PAX1: variants seen among roughly 807,000 people sequenced by gnomAD.
PAX1 encodes the protein paired box 1, also known as paired box protein Pax-1.
In PAX1, 18 loss-of-function variants were observed where a neutral mutation model predicts 35.6. The observed-to-expected ratio is 0.50, with a 90% confidence interval of 0.35 to 0.75. The LOEUF (loss-of-function observed/expected upper bound fraction) is 0.75, where lower values mean the gene tolerates loss of function less well. Ranked by LOEUF, PAX1 falls within the 30% of genes least tolerant of loss-of-function variation. PAX1 has a pLI of 0.01. For synonymous variants in PAX1, 397 were observed against 305.2 expected, an observed-to-expected ratio of 1.30 and a Z score of -3.14; for missense variants, 760 against 661.5, an observed-to-expected ratio of 1.15 and a Z score of -1.63.
rs768052508 is a variant in PAX1 at position 21,706,301 on chromosome 20, T to C, written c.287-137T>C. 3 of 1,211,138 alleles carry C rather than the reference T, an allele frequency of 2.5e-6. No homozygotes were observed. The highest frequency in any genetic ancestry group is 3.6e-6 in the Non-Finnish European group (3 of 834,630). The allele number at this position is 1,211,138 out of a possible 1,614,324, so 75.0% of individuals were successfully genotyped here. A position where few individuals can be genotyped will look rare whatever the true frequency, so the allele number is the denominator to read the frequency against. On this transcript the variant is annotated intron_variant, in intron 1 of 4. Transcript: ENST00000613128. The surrounding 1 kb of genome is among the most constrained non-coding windows in gnomAD (Gnocchi z 5.3). ...AGACCCAGGCGGTTTGCCCTTGGAC[T>C]CCGAGCTGTCTGGGGACCCACAGGT... is the stretch of plus-strand genomic sequence containing the variant.
At position 21,706,402 on chromosome 20, in the gene PAX1, C is replaced by A. The variant is rs751585485; in HGVS notation, c.287-36C>A. ...TTGGCTAACCCGCCGGGTGTTTTCT[C>A]CCCCTCCGGCTCACTCTTGTCTGGC... On this transcript the variant is annotated intron_variant, in intron 1 of 4. Transcript: ENST00000613128. The surrounding 1 kb of genome is among the most constrained non-coding windows in gnomAD (Gnocchi z 5.3). The A allele has an allele frequency of 1.9e-6, 3 of 1,608,748 alleles. No individual in the cohort carries two copies. Among genetic ancestry groups the A allele is most frequent in the African/African-American group, 2.7e-5 (2 of 74,940 alleles).
rs1278886912 is a variant in PAX1, at chr20:21,705,763, G to C, written c.51G>C (p.Glu17Asp). Reference protein sequence around the residue: ...LGSRAWRVSWEGAAAAAAGPG... With the variant: ...LGSRAWRVSWDGAAAAAAGPG... Reference sequence around the variant, plus strand: ...CGCGGGCGTGGAGAGTGTCCTGGGAGGGGGCAGCAGCGGCGGCGGCAGGCC... The same window carrying C: ...CGCGGGCGTGGAGAGTGTCCTGGGACGGGGCAGCAGCGGCGGCGGCAGGCC... Residue 17 changes from glutamate to aspartate, a missense_variant, in exon 1 of 5, where the codon GAG (glutamate) becomes GAC (aspartate). Coordinates refer to ENST00000613128, the MANE Select transcript of PAX1 (RefSeq NM_001257096.2). 1 of 1,262,288 alleles carries C rather than the reference G, an allele frequency of 7.9e-7. No homozygotes were observed. Among genetic ancestry groups the C allele is most frequent in the Non-Finnish European group, 1.0e-6 (1 of 1,002,562 alleles). 78.2% of individuals were successfully genotyped at this position (1,262,288 alleles called of 1,614,324 possible). A position where few individuals can be genotyped will look rare whatever the true frequency, so the allele number is the denominator to read the frequency against.
chr20:21,713,382 TTGTGTGTGTG>T (rs1026316842), intron 4 of PAX1, among the ~76,000 whole-genome samples: 3 of 146,270 alleles, frequency 2.1e-5, no homozygotes, highest in Non-Finnish European at 4.5e-5. Context: ...TCTTTTTTTT[TTGTGTGTGTG>T]TGTGTGTGTG....
chr20:21,710,992 T>C (rs1448395537), intron 4 of PAX1, among the ~76,000 whole-genome samples: 1 of 152,252 alleles, frequency 6.6e-6, no homozygotes, highest in Non-Finnish European at 1.5e-5. Context: ...TTAAGCTTTA[T>C]GTTTAAGGAT....
intron 4 of PAX1, among the ~76,000 whole-genome samples, chr20:21,713,790 C>T (rs984430031): frequency 6.6e-6 from 1 of 152,252 alleles, no homozygotes; most frequent in Non-Finnish European, 1.5e-5. Flanking sequence ...TCACTTAATC[C>T]GGAGGCCCAC....
Position 21,714,688 on chromosome 20 carries a change from C to T in PAX1, c.*126C>T. 2 of 1,605,762 alleles carry T rather than the reference C, an allele frequency of 1.2e-6. No homozygotes were observed. The highest frequency in any genetic ancestry group is 8.5e-7 in the Non-Finnish European group (1 of 1,179,172). On this transcript the variant is annotated 3_prime_UTR_variant, in exon 5 of 5. Coordinates refer to ENST00000613128, the MANE Select transcript of PAX1 (RefSeq NM_001257096.2). ...GGACTCGCGGAGGAGGAAGCCAGTGCCGGCCCGCGGGGTGCACGCCCAGCC... is the reference window on the plus strand; with the variant it reads ...GGACTCGCGGAGGAGGAAGCCAGTGTCGGCCCGCGGGGTGCACGCCCAGCC...
At position 21,706,014 on chromosome 20, in the gene PAX1, C is replaced by T; in HGVS notation, c.286+16C>T. Reference sequence around the variant, plus strand: ...CTCGCTATGGGTAAGGGGCGGGCGACAGGCAGGGCTCGGGAGGGCTGATGA... The same window carrying T: ...CTCGCTATGGGTAAGGGGCGGGCGATAGGCAGGGCTCGGGAGGGCTGATGA... On this transcript the variant is annotated intron_variant, in intron 1 of 4. Coordinates refer to ENST00000613128, the MANE Select transcript of PAX1 (RefSeq NM_001257096.2). This position sits in a 1 kb window ranked among gnomAD's most constrained non-coding sequence, Gnocchi z 5.3. The T allele has an allele frequency of 6.8e-7, 1 of 1,463,414 alleles. No homozygotes were observed. 90.7% of individuals were successfully genotyped at this position (1,463,414 alleles called of 1,614,324 possible).
In PAX1 at chr20:21,706,014, C is replaced by A; in HGVS notation, c.286+16C>A. 6.8e-7 allele frequency: 1 copy of A among 1,463,414 alleles called. No individual in the cohort carries two copies. The highest frequency in any genetic ancestry group is 1.4e-5 in the South Asian group (1 of 71,350). 90.7% of individuals were successfully genotyped at this position (1,463,414 alleles called of 1,614,324 possible). A position where few individuals can be genotyped will look rare whatever the true frequency, so the allele number is the denominator to read the frequency against. Reference sequence around the variant, plus strand: ...CTCGCTATGGGTAAGGGGCGGGCGACAGGCAGGGCTCGGGAGGGCTGATGA... The same window carrying A: ...CTCGCTATGGGTAAGGGGCGGGCGAAAGGCAGGGCTCGGGAGGGCTGATGA... On this transcript the variant is annotated intron_variant, in intron 1 of 4. Coordinates refer to ENST00000613128, the MANE Select transcript of PAX1 (RefSeq NM_001257096.2). The surrounding 1 kb of genome is among the most constrained non-coding windows in gnomAD (Gnocchi z 5.3).
At chr20:21,713,701 G>A (rs1985271290) in intron 4 of PAX1, among the ~76,000 whole-genome samples, 1 of 152,180 alleles carries the variant, frequency 6.6e-6, no homozygotes, top group African/African-American at 2.4e-5. Context: ...GGCTTCCGGT[G>A]GCAAAACTTG....
In PAX1 at chr20:21,706,324, G is replaced by A; in HGVS notation, c.287-114G>A. ...ACTCCGAGCTGTCTGGGGACCCACA[G>A]GTCACCTTTGGAAGTGCGCCTGGGT... On this transcript the variant is annotated intron_variant, in intron 1 of 4. Coordinates refer to ENST00000613128, the MANE Select transcript of PAX1 (RefSeq NM_001257096.2). The surrounding 1 kb of genome is among the most constrained non-coding windows in gnomAD (Gnocchi z 5.3). 2 of 1,405,620 alleles carry A rather than the reference G, an allele frequency of 1.4e-6. No individual in the cohort carries two copies. Among genetic ancestry groups the A allele is most frequent in the African/African-American group, 1.4e-5 (1 of 71,096 alleles). The allele number at this position is 1,405,620 out of a possible 1,614,324, so 87.1% of individuals were successfully genotyped here.
rs540770070 is a variant in PAX1 at position 21,710,215 on chromosome 20, G to T, written c.1282+771G>T. ...TGAAAAGTCGAGGAACAGATTTTAG[G>T]TATTTCACTGACAGTCAGCAGTGTG... On this transcript the variant is annotated intron_variant, in intron 4 of 4. Coordinates refer to ENST00000613128, the MANE Select transcript of PAX1 (RefSeq NM_001257096.2). Among the ~76,000 whole-genome samples the T allele has an allele frequency of 3.9e-5, 6 of 152,178 alleles. No individual in the cohort carries two copies. The South Asian group carries it at 1.2e-3, about 32-fold the overall frequency.
rs1358364202 is a variant in PAX1 at position 21,717,554 on chromosome 20, T to C, written c.*2992T>C. The C allele has an allele frequency of 1.3e-5, 2 of 152,208 alleles. No individual in the cohort carries two copies. The highest frequency in any genetic ancestry group is 4.8e-5 in the African/African-American group (2 of 41,452). 9.4% of individuals were successfully genotyped at this position (152,208 alleles called of 1,614,324 possible). A position where few individuals can be genotyped will look rare whatever the true frequency, so the allele number is the denominator to read the frequency against. ...AAAAGATCCCATTGGAATATTGCAC[T>C]TTTGCTCTTTGTTCGTATGGATCTG... On this transcript the variant is annotated 3_prime_UTR_variant, in exon 5 of 5. Coordinates refer to ENST00000613128, the MANE Select transcript of PAX1 (RefSeq NM_001257096.2).
rs1022480481 is a variant in PAX1, at chr20:21,705,982, C to T, written c.270C>T (p.Ala90=). 14 of 1,483,874 alleles carry T rather than the reference C, an allele frequency of 9.4e-6. No homozygotes were observed. In the Admixed American group the frequency reaches 1.2e-4, roughly 12 times the overall value. The allele number at this position is 1,483,874 out of a possible 1,614,324, so 91.9% of individuals were successfully genotyped here. A position where few individuals can be genotyped will look rare whatever the true frequency, so the allele number is the denominator to read the frequency against. The change falls in exon 1 of 5, where the codon GCC becomes GCT. Residue 90 remains alanine (A), a synonymous_variant. Transcript: ENST00000613128. The part of the protein sequence containing the change: ...HPGHPGARQL[A]GPLAMEQTYG... ...GCCACCCCGGCGCCAGGCAGCTGGC[C>T]GGCCCGCTCGCTATGGGTAAGGGGC...
rs745903003 is a variant in PAX1, at chr20:21,706,881, C to T, written c.730C>T (p.Pro244Ser). The T allele has an allele frequency of 1.2e-6, 2 of 1,613,484 alleles. No homozygotes were observed. The highest frequency in any genetic ancestry group is 4.5e-5 in the East Asian group (2 of 44,862). Residue 244 changes from proline to serine, a missense_variant, in exon 2 of 5, where the codon CCT (proline) becomes TCT (serine). Physicochemically the swap from Pro to Ser is moderately conservative, Grantham distance 74. This residue lies in a region of PAX1 where 490 missense variants were observed against 428.4 expected (regional missense o/e 1.14). Coordinates refer to ENST00000613128, the MANE Select transcript of PAX1 (RefSeq NM_001257096.2). This position sits in a 1 kb window ranked among gnomAD's most constrained non-coding sequence, Gnocchi z 5.3. ...GGCAAGTAAGCAGCCGCCGTCGCAG[C>T]CTACGCTGCCCTACAACCACATCTA... Reference protein sequence around the residue: ...YEASKQPPSQPTLPYNHIYQY... With the variant: ...YEASKQPPSQSTLPYNHIYQY...
rs750395868 is a variant in PAX1, at chr20:21,714,755, C to T, written c.*193C>T. The T allele has an allele frequency of 6.2e-7, 1 of 1,602,402 alleles. No homozygotes were observed. The highest frequency in any genetic ancestry group is 1.3e-5 in the African/African-American group (1 of 74,932). On this transcript the variant is annotated 3_prime_UTR_variant, in exon 5 of 5. Coordinates refer to ENST00000613128, the MANE Select transcript of PAX1 (RefSeq NM_001257096.2). ...CCTGCCTCTGGCCGGACCCACCACA[C>T]TTCCTTTATTGGTCTGGGTTTTTAG... is the stretch of plus-strand genomic sequence containing the variant.
In PAX1 at chr20:21,708,650, G is replaced by T. The variant is rs1233055931; in HGVS notation, c.1009G>T (p.Val337Leu). 5.0e-6 allele frequency: 8 copies of T among 1,613,542 alleles called. No individual in the cohort carries two copies. The highest frequency in any genetic ancestry group is 1.3e-5 in the African/African-American group (1 of 74,946). Residue 337 changes from valine to leucine, a missense_variant, in exon 3 of 5, where the codon GTG (valine) becomes TTG (leucine). Transcript: ENST00000613128. ...NRTAFPATPAVNGLEKPALEA... is the reference protein window; with the variant it reads ...NRTAFPATPALNGLEKPALEA... ...CACGGCCTTCCCCGCCACCCCCGCAGTGAATGGGCTAGAGAAACCTGCCTT... is the reference window on the plus strand; with the variant it reads ...CACGGCCTTCCCCGCCACCCCCGCATTGAATGGGCTAGAGAAACCTGCCTT...
At position 21,706,900 on chromosome 20, in the gene PAX1, A is replaced by G. The variant is rs1985027093; in HGVS notation, c.749A>G (p.His250Arg). 6.2e-7 allele frequency: 1 copy of G among 1,613,204 alleles called. No homozygotes were observed. Among genetic ancestry groups the G allele is most frequent in the African/African-American group, 1.3e-5 (1 of 74,916 alleles). Residue 250 changes from histidine to arginine, a missense_variant, in exon 2 of 5, where the codon CAC (histidine) becomes CGC (arginine). Transcript: ENST00000613128. The surrounding 1 kb of genome is among the most constrained non-coding windows in gnomAD (Gnocchi z 5.3). ...TCGCAGCCTACGCTGCCCTACAACC[A>G]CATCTACCAGTACCCCTACCCCAGT... ...PPSQPTLPYN[H>R]IYQYPYPSPV...
rs974162263 is a variant in PAX1 at position 21,706,026 on chromosome 20, G to C, written c.286+28G>C. ...AAGGGGCGGGCGACAGGCAGGGCTC[G>C]GGAGGGCTGATGAGGTGGGTCGGGT... On this transcript the variant is annotated intron_variant, in intron 1 of 4. Transcript: ENST00000613128. This position sits in a 1 kb window ranked among gnomAD's most constrained non-coding sequence, Gnocchi z 5.3. 12 of 1,455,202 alleles carry C rather than the reference G, an allele frequency of 8.2e-6. No individual in the cohort carries two copies. The highest frequency in any genetic ancestry group is 2.9e-5 in the African/African-American group (2 of 70,146). 90.1% of individuals were successfully genotyped at this position (1,455,202 alleles called of 1,614,324 possible).
In PAX1 at chr20:21,707,191, C is replaced by G. The variant is rs1019117473; in HGVS notation, c.916+124C>G. On this transcript the variant is annotated intron_variant, in intron 2 of 4. Coordinates refer to ENST00000613128, the MANE Select transcript of PAX1 (RefSeq NM_001257096.2). Reference sequence around the variant, plus strand: ...GGTTCTGGCTCAGGGGAGGGCTCCACACTGGCCAGGGAGGCTGGGGGTCCT... The same window carrying G: ...GGTTCTGGCTCAGGGGAGGGCTCCAGACTGGCCAGGGAGGCTGGGGGTCCT... 2.4e-5 allele frequency: 30 copies of G among 1,226,768 alleles called. No homozygotes were observed. The South Asian group carries it at 3.2e-4, about 13-fold the overall frequency. 76.0% of individuals were successfully genotyped at this position (1,226,768 alleles called of 1,614,324 possible). A position where few individuals can be genotyped will look rare whatever the true frequency, so the allele number is the denominator to read the frequency against.
Sources: allele counts gnomAD v4.1 joint callset (sites outside exome capture counted in the v4.1 genomes callset), GRCh38; gene constraint gnomAD v4.1.1; regional missense constraint gnomAD v4.1.1; non-coding constraint Gnocchi (gnomAD v3.1); transcripts MANE v1.5; gene names NCBI Gene and HGNC (gene_info 2026-07-23, HGNC 2026-07-21).